The following CRYBG1 variants were observed in gnomAD, a reference collection of about 807,000 sequenced individuals.
CRYBG1 encodes the protein beta/gamma crystallin domain-containing protein 1.
A neutral mutation model predicts 189.2 loss-of-function variants in CRYBG1; 139 were observed. That is an observed-to-expected ratio of 0.73 (90% CI 0.64 to 0.85). CRYBG1 has a LOEUF of 0.85. Among genes scored for constraint, CRYBG1 ranks in the 40% least tolerant of loss-of-function variants. CRYBG1 has a pLI of 0.00. For synonymous variants in CRYBG1, 1,023 were observed against 1,017.1 expected (o/e 1.01, Z -0.11); for missense variants, 2,611 against 2,675.8 (o/e 0.98, Z 0.53).
intron 10 of CRYBG1, 114 bp from the exon 11 acceptor site, chr6:106,543,326 A>G (rs1774179656): frequency 9.0e-7 from 1 of 1,104,978 alleles, no homozygotes; most frequent in South Asian, 1.5e-5. Flanking sequence ...CACCGCGCCC[A>G]GTCAGAAAAT....
Position 106,512,683 on chromosome 6 carries a change from C to T in CRYBG1, c.1566C>T (p.Leu522=), listed in dbSNP as rs1773315444. Residue 522 remains leucine (L), a synonymous_variant, in exon 3 of 22, where the codon CTC becomes CTT. Transcript: ENST00000633556. Reference sequence around the variant, plus strand: ...AGAGGAAGGGCAGGAGCCGTGCCCTCGAGGCCGTGCCCGCCCCGCCCGCCA... The same window carrying T: ...AGAGGAAGGGCAGGAGCCGTGCCCTTGAGGCCGTGCCCGCCCCGCCCGCCA... The part of the protein sequence containing the change: ...PTKRKGRSRA[L]EAVPAPPASG... The T allele has an allele frequency of 1.3e-6, 2 of 1,551,052 alleles. No individual in the cohort carries two copies. The highest frequency in any genetic ancestry group is 1.4e-5 in the African/African-American group (1 of 73,330).
chr6:106,552,444 G>A lies in CRYBG1; in HGVS notation c.5472+228G>A, dbSNP rs1289037832. On this transcript the variant is annotated intron_variant, in intron 15 of 21. Coordinates refer to ENST00000633556, the MANE Select transcript of CRYBG1 (RefSeq NM_001371242.2). ...TTACTAAAAAGACAAAAATTAGCTG[G>A]GTGTGGTGGCTTGTGTCTATAAGCT... The A allele has an allele frequency of 2.6e-5, 6 of 231,922 alleles. No homozygotes were observed. The East Asian group carries it at 6.2e-4, about 24-fold the overall frequency. 14.4% of individuals were successfully genotyped at this position (231,922 alleles called of 1,614,324 possible). A position where few individuals can be genotyped will look rare whatever the true frequency, so the allele number is the denominator to read the frequency against.
intron 1 of CRYBG1, among the ~76,000 whole-genome samples, chr6:106,440,496 A>C (rs905746347): frequency 1.1e-4 from 16 of 152,066 alleles, no homozygotes; most frequent in African/African-American, 3.9e-4. Flanking sequence ...CGAACCCCTG[A>C]TCTCAAGCGA....
At chr6:106,427,549 C>G (rs957550207) in intron 1 of CRYBG1, among the ~76,000 whole-genome samples, 1 of 152,190 alleles carries the variant, frequency 6.6e-6, no homozygotes, top group East Asian at 1.9e-4. Context: ...TCATCTTAGT[C>G]CATTCTTCTG....
chr6:106,535,666 G>A (rs1773988453), intron 8 of CRYBG1, among the ~76,000 whole-genome samples: 1 of 151,938 alleles, frequency 6.6e-6, no homozygotes, highest in South Asian at 2.1e-4. Context: ...TCCAATCAAG[G>A]TTCACATAAA....
At chr6:106,557,611 T>A (rs963251679) in intron 17 of CRYBG1, among the ~76,000 whole-genome samples, 18 of 151,894 alleles carry the variant, frequency 1.2e-4, no homozygotes, top group African/African-American at 4.4e-4. Context: ...TTTTGTATTT[T>A]TAATAGAGAT....
At chr6:106,487,087 T>G (rs773440495) in intron 2 of CRYBG1, among the ~76,000 whole-genome samples, 1 of 152,120 alleles carries the variant, frequency 6.6e-6, no homozygotes, top group Admixed American at 6.5e-5. Context: ...TATTGAAATT[T>G]GTGTGTGTGT....
At chr6:106,370,660 T>C (rs1316558380) in intron 1 of CRYBG1, among the ~76,000 whole-genome samples, 1 of 152,178 alleles carries the variant, frequency 6.6e-6, no homozygotes, top group African/African-American at 2.4e-5. Context: ...ATTCTGAGGA[T>C]AAGGAAACTG....
chr6:106,525,232 A>G, intron 5 of CRYBG1, 36 bp from the exon 6 acceptor site: 1 of 1,613,592 alleles, frequency 6.2e-7, no homozygotes, highest in Non-Finnish European at 8.5e-7. Flanking sequence ...CTGACAGAGT[A>G]CAACAAAGTG....
chr6:106,368,117 A>G (rs961797439), intron 1 of CRYBG1, among the ~76,000 whole-genome samples: 3 of 152,108 alleles, frequency 2.0e-5, no homozygotes, highest in Non-Finnish European at 4.4e-5. Context: ...TATGAACATT[A>G]AAAATACATA....
At chr6:106,399,939 C>T (rs892625670) in intron 1 of CRYBG1, among the ~76,000 whole-genome samples, 5 of 150,874 alleles carry the variant, frequency 3.3e-5, no homozygotes, top group African/African-American at 1.2e-4. Context: ...GAGTTTGAGA[C>T]CAGCCTGACC....
At chr6:106,514,542 C>T (rs759522621) in intron 3 of CRYBG1, among the ~76,000 whole-genome samples, 9 of 152,142 alleles carry the variant, frequency 5.9e-5, no homozygotes, top group Non-Finnish European at 1.2e-4. Flanking sequence ...TAGGTAGCAT[C>T]AGAGAAATGA....
rs534097335 is a variant in CRYBG1 at position 106,509,310 on chromosome 6, A to G, written c.313-2120A>G. Among the ~76,000 whole-genome samples, 4 of 152,372 alleles carry G rather than the reference A, an allele frequency of 2.6e-5. No individual in the cohort carries two copies. The East Asian group carries it at 7.7e-4, about 29-fold the overall frequency. On this transcript the variant is annotated intron_variant, in intron 2 of 21. Transcript: ENST00000633556. ...AAGGATAGCTCAGTAAACATGTATT[A>G]TGATTTAAAAATCATGTCATACCTT...
chr6:106,538,245 C>T (rs372549692), intron 8 of CRYBG1, among the ~76,000 whole-genome samples: 2 of 152,142 alleles, frequency 1.3e-5, no homozygotes, highest in South Asian at 2.1e-4. Flanking sequence ...TTCCCAGGAA[C>T]GAAGATGTTT....
At chr6:106,514,459 T>G (rs1483273938) in intron 3 of CRYBG1, among the ~76,000 whole-genome samples, 1 of 152,220 alleles carries the variant, frequency 6.6e-6, no homozygotes. Context: ...GTATGCGTAA[T>G]GAATAACTTG....
Position 106,400,404 on chromosome 6 carries a change from T to A in CRYBG1, c.173+39323T>A, listed in dbSNP as rs147297761. Among the ~76,000 whole-genome samples the A allele has an allele frequency of 1.1e-3, 161 of 152,358 alleles. 1 individual carries two copies. The highest frequency in any genetic ancestry group is 3.6e-3 in the African/African-American group (148 of 41,582). On this transcript the variant is annotated intron_variant, in intron 1 of 21. Coordinates refer to ENST00000633556, the MANE Select transcript of CRYBG1 (RefSeq NM_001371242.2). ...TTTATCTTTAATATTAGTGTAATTG[T>A]GCTTATGTTTTCTTCATCTTTTCTT...
At chr6:106,467,564 T>C (rs995505544) in intron 2 of CRYBG1, among the ~76,000 whole-genome samples, 34 of 152,164 alleles carry the variant, frequency 2.2e-4, no homozygotes. Context: ...GACAAATCCA[T>C]TTATTCTTTT....
chr6:106,512,368 G>T lies in CRYBG1; in HGVS notation c.1251G>T (p.Arg417Ser), dbSNP rs1312253504. ...DDMEKRSSGR[R>S]SGRRRGSQKS... Reference sequence around the variant, plus strand: ...TGGAGAAGAGGTCCAGCGGCCGTAGGTCGGGGAGGCGGAGGGGGTCGCAGA... The same window carrying T: ...TGGAGAAGAGGTCCAGCGGCCGTAGTTCGGGGAGGCGGAGGGGGTCGCAGA... The change falls in exon 3 of 22, where the codon AGG becomes AGT. Residue 417 changes from arginine (R) to serine (S), a missense_variant. This residue lies in a region of CRYBG1 where 985 missense variants were observed against 924.4 expected (regional missense o/e 1.07). Transcript: ENST00000633556. 5 of 1,611,522 alleles carry T rather than the reference G, an allele frequency of 3.1e-6. No individual in the cohort carries two copies. The highest frequency in any genetic ancestry group is 1.7e-6 in the Non-Finnish European group (2 of 1,179,448).
chr6:106,405,635 C>T (rs6901208), intron 1 of CRYBG1, among the ~76,000 whole-genome samples: 7,806 of 152,266 alleles, frequency 0.051, 625 homozygotes, highest in African/African-American at 0.17. Flanking sequence ...TACAGGAGAG[C>T]TCTGGCTGGC....
Sources: gnomAD v4.1 joint callset for allele counts (sites outside exome capture counted in the v4.1 genomes callset) on GRCh38, gnomAD v4.1.1 for gene constraint, gnomAD v4.1.1 regional missense constraint, MANE v1.5 for transcripts, NCBI Gene and HGNC (gene_info 2026-07-23, HGNC 2026-07-21) for gene names.